Variants in VPS13B observed in about 807,000 individuals in gnomAD.
VPS13B encodes vacuolar protein sorting 13 homolog B.
In VPS13B, 285 loss-of-function variants were observed where a neutral mutation model predicts 426.4. That is an observed-to-expected ratio of 0.67 (90% confidence interval 0.61 to 0.74). The LOEUF (loss-of-function observed/expected upper bound fraction) is 0.74, where lower values mean the gene tolerates loss of function less well. Among genes scored for constraint, VPS13B ranks in the 30% least tolerant of loss-of-function variants. The pLI, the probability that VPS13B is intolerant of heterozygous loss-of-function variation, is 0.00. For missense variants in VPS13B, 4,537 were observed against 4,782.6 expected, an observed-to-expected ratio of 0.95 and a Z score of 1.51; for synonymous variants, 1,676 against 1,676.4, an observed-to-expected ratio of 1.00 and a Z score of 0.01.
At chr8:99,289,139 C>CT (rs1686248099) in intron 19 of VPS13B, among the ~76,000 whole-genome samples, 1 of 151,988 alleles carries the variant, frequency 6.6e-6, no homozygotes, top group South Asian at 2.1e-4. Flanking sequence ...CTCATGAAAT[C>CT]TTTTTTTGTT....
intron 33 of VPS13B, among the ~76,000 whole-genome samples, chr8:99,631,945 T>A (rs1828865502): frequency 6.6e-6 from 1 of 151,998 alleles, no homozygotes; most frequent in African/African-American, 2.4e-5. Context: ...GCTTGGGAAA[T>A]ATTTTATCCC....
chr8:99,228,108 G>A (rs1205164799), intron 17 of VPS13B, among the ~76,000 whole-genome samples: 2 of 152,010 alleles, frequency 1.3e-5, no homozygotes, highest in Non-Finnish European at 2.9e-5. Flanking sequence ...GAGGAGTAAT[G>A]CCCATTTTAA....
At chr8:99,767,493 C>CAAAAAAAAAAAAAAAAAAAAAAAAAAAAA (rs869220303) in intron 40 of VPS13B, among the ~76,000 whole-genome samples, 1 of 33,318 alleles carries the variant, frequency 3.0e-5, no homozygotes, top group Non-Finnish European at 5.6e-5. Flanking sequence ...GCAACTCTCT[C>CAAAAAAAAAAAAAAAAAAAAAAAAAAAAA]AAAAAAAAAA....
chr8:99,568,865 G>T (rs1442420938), intron 31 of VPS13B, among the ~76,000 whole-genome samples: 5 of 149,984 alleles, frequency 3.3e-5, no homozygotes, highest in African/African-American at 1.2e-4. Context: ...AGGCTGGAGT[G>T]CAGTGGCGCA....
At chr8:99,403,159 G>A (rs1482257795) in intron 21 of VPS13B, among the ~76,000 whole-genome samples, 1 of 152,170 alleles carries the variant, frequency 6.6e-6, no homozygotes, top group Non-Finnish European at 1.5e-5. Context: ...ATCTTTTCAT[G>A]TTGGTTTAAC....
At position 99,382,456 on chromosome 8, in the gene VPS13B, G is replaced by A. The variant is rs7812800; in HGVS notation, c.2825-1752G>A. Among the ~76,000 whole-genome samples the A allele has an allele frequency of 3.8e-3, 585 of 152,244 alleles. 6 individuals carry two copies. Among genetic ancestry groups the A allele is most frequent in the African/African-American group, 0.013 (520 of 41,542 alleles). On this transcript the variant is annotated intron_variant, in intron 19 of 61. Coordinates refer to ENST00000357162, the MANE Select transcript of VPS13B (RefSeq NM_152564.5). Reference sequence around the variant, plus strand: ...AATGATATTGATTCGTCCTATCCATGAGCATGGAATGTTTTTCCATTTGTT... The same window carrying A: ...AATGATATTGATTCGTCCTATCCATAAGCATGGAATGTTTTTCCATTTGTT...
chr8:99,193,122 T>A (rs1813698358), intron 17 of VPS13B, 65 bp downstream of exon 17: 1 of 1,514,972 alleles, frequency 6.6e-7, no homozygotes, highest in Admixed American at 1.7e-5. Flanking sequence ...AATATTTTAT[T>A]ATGAAAATCC....
chr8:99,772,010 T>A (rs1354784437), intron 40 of VPS13B, among the ~76,000 whole-genome samples: 1 of 152,214 alleles, frequency 6.6e-6, no homozygotes, highest in Non-Finnish European at 1.5e-5. Flanking sequence ...GGCCCTTTGC[T>A]ATTTTCTTTT....
rs770406179 is a variant in VPS13B, at chr8:99,384,235, G to C, written c.2852G>C (p.Gly951Ala). The C allele has an allele frequency of 2.5e-6, 4 of 1,613,772 alleles. No homozygotes were observed. The highest frequency in any genetic ancestry group is 3.3e-5 in the Admixed American group (2 of 59,972). The change falls in exon 20 of 62, where the codon GGA becomes GCA. Residue 951 changes from glycine (G) to alanine (A), a missense_variant. Gly to Ala is a moderately conservative substitution (Grantham distance 60). Transcript: ENST00000357162. ...GCTGTACTTCTTTGCAGTATACAAGGACTAGCAGTTAATATTGACCCAATC... is the reference window on the plus strand; with the variant it reads ...GCTGTACTTCTTTGCAGTATACAAGCACTAGCAGTTAATATTGACCCAATC... ...SGAVLLCSIQ[G>A]LAVNIDPILY... is the part of the protein sequence containing the mutation.
At chr8:99,069,702 AT>A (rs1472343151) in intron 3 of VPS13B, among the ~76,000 whole-genome samples, 7 of 152,334 alleles carry the variant, frequency 4.6e-5, no homozygotes, top group South Asian at 2.1e-4. Context: ...ATTCTTGGAA[AT>A]TATATTCAGA....
chr8:99,637,200 CA>C (rs1467538911), intron 33 of VPS13B, among the ~76,000 whole-genome samples: 1 of 152,036 alleles, frequency 6.6e-6, no homozygotes, highest in Non-Finnish European at 1.5e-5. Flanking sequence ...TAGGGCCCAG[CA>C]CACATAATTA....
chr8:99,112,381 C>T (rs1295845011), intron 6 of VPS13B, among the ~76,000 whole-genome samples: 5 of 151,990 alleles, frequency 3.3e-5, no homozygotes, highest in Admixed American at 3.3e-4. Flanking sequence ...GTTTTTGTTA[C>T]CTTATATTTT....
At chr8:99,512,089 C>T (rs1821820419) in intron 29 of VPS13B, among the ~76,000 whole-genome samples, 1 of 152,172 alleles carries the variant, frequency 6.6e-6, no homozygotes, top group African/African-American at 2.4e-5. Flanking sequence ...AATTACCAAG[C>T]TAGAACTAAA....
intron 35 of VPS13B, among the ~76,000 whole-genome samples, chr8:99,676,828 A>G (rs774409178): frequency 6.6e-6 from 1 of 152,084 alleles, no homozygotes; most frequent in Non-Finnish European, 1.5e-5. Flanking sequence ...AAAATAAAAT[A>G]TTTTAAGAAG....
intron 34 of VPS13B, among the ~76,000 whole-genome samples, chr8:99,644,346 A>G (rs1359432154): frequency 6.6e-5 from 10 of 152,190 alleles, no homozygotes; most frequent in Admixed American, 5.9e-4. Flanking sequence ...TTTTATTGAT[A>G]TACTCCCAAA....
rs199580389 is a variant in VPS13B, at chr8:99,507,751, T to G, written c.4224+548T>G. 71 of 1,613,890 alleles carry G rather than the reference T, an allele frequency of 4.4e-5. No homozygotes were observed. The highest frequency in any genetic ancestry group is 5.8e-5 in the Non-Finnish European group (69 of 1,179,930). The stretch of plus-strand genomic sequence containing the variant: ...CTTTTTGTCTTTTCACCTTCTTTGC[T>G]CCTGTCCATCACTTCAAGCCTTGGG... On this transcript the variant is annotated intron_variant, in intron 28 of 61. Transcript: ENST00000357162.
chr8:99,212,997 C>G (rs907755924), intron 17 of VPS13B, among the ~76,000 whole-genome samples: 5 of 152,144 alleles, frequency 3.3e-5, no homozygotes, highest in Non-Finnish European at 5.9e-5. Flanking sequence ...AAATACTTCT[C>G]TCCCTCATTT....
At chr8:99,821,180 T>C in intron 49 of VPS13B, 114 bp from the exon 50 acceptor site, 1 of 914,196 alleles carries the variant, frequency 1.1e-6, no homozygotes, top group South Asian at 1.5e-5. Context: ...TGGAGGGATA[T>C]TTGGTTACCT....
intron 3 of VPS13B, among the ~76,000 whole-genome samples, chr8:99,088,568 A>G (rs1166796476): frequency 6.6e-6 from 1 of 152,164 alleles, no homozygotes; most frequent in African/African-American, 2.4e-5. Flanking sequence ...GCTCACATAA[A>G]AAAATTTTTT....
Sources: gnomAD v4.1 joint callset for allele counts (sites outside exome capture counted in the v4.1 genomes callset) on GRCh38, gnomAD v4.1.1 for gene constraint, MANE v1.5 for transcripts, NCBI Gene and HGNC (gene_info 2026-07-23, HGNC 2026-07-21) for gene names.